PM20D2: variants seen among roughly 807,000 people sequenced by gnomAD.
The protein encoded by PM20D2 is peptidase M20 domain containing 2.
In PM20D2, 33 loss-of-function variants were observed where a neutral mutation model predicts 42.9. The observed-to-expected ratio is 0.77, with a 90% CI of 0.58 to 1.03. The LOEUF is 1.03. Ranked by LOEUF, PM20D2 falls within the 50% of genes least tolerant of loss-of-function variation. The pLI is 0.00. For synonymous variants in PM20D2, 250 were observed against 228.2 expected (o/e 1.10, Z -0.86); for missense variants, 548 against 557.0 (o/e 0.98, Z 0.16).
intron 1 of PM20D2, among the ~76,000 whole-genome samples, chr6:89,147,974 A>G (rs569872292): frequency 7.8e-6 from 1 of 128,090 alleles, no homozygotes; most frequent in East Asian, 2.5e-4. Context: ...TGAGAAATGT[A>G]CACTCTTTTT....
At chr6:89,099,408 A>G in the PM20D2 span, among the ~76,000 whole-genome samples, 2 of 90,152 alleles carry the variant, frequency 2.2e-5, no homozygotes, top group Non-Finnish European at 5.1e-5. Context: ...CTCTCCATAT[A>G]TATATACATA....
Position 89,146,530 on chromosome 6 carries a change from T to C in PM20D2, c.386T>C (p.Ile129Thr). The C allele has an allele frequency of 6.6e-7, 1 of 1,509,838 alleles. No individual in the cohort carries two copies. Among genetic ancestry groups the C allele is most frequent in the Non-Finnish European group, 8.8e-7 (1 of 1,136,608 alleles). 93.5% of individuals were successfully genotyped at this position (1,509,838 alleles called of 1,614,324 possible). Residue 129 changes from isoleucine (I) to threonine (T), a missense_variant, in exon 1 of 7, where the codon ATC becomes ACC. Physicochemically the swap from Ile to Thr is moderately conservative, Grantham distance 89 (BLOSUM62 -1). This residue lies in a region of PM20D2 where 470 missense variants were observed against 464.4 expected (regional missense o/e 1.01). Transcript: ENST00000275072. ...GIGHACGHNL[I>T]AEVGAAAALG... Reference sequence around the variant, plus strand: ...GGCCACGCCTGCGGCCACAACCTCATCGCTGAGGTCGGGGCGGCGGCCGCG... The same window carrying C: ...GGCCACGCCTGCGGCCACAACCTCACCGCTGAGGTCGGGGCGGCGGCCGCG...
At chr6:89,105,191 G>C in the PM20D2 span, 1 of 1,611,962 alleles carries the variant, frequency 6.2e-7, no homozygotes, top group East Asian at 2.2e-5. Context: ...TCTTTGGCTG[G>C]GGCTTCTTGA....
At chr6:89,158,110 T>C (rs900833229) in intron 4 of PM20D2, among the ~76,000 whole-genome samples, 3 of 152,160 alleles carry the variant, frequency 2.0e-5, no homozygotes, top group African/African-American at 4.8e-5. Flanking sequence ...TGGGGTTTAG[T>C]GTATATATAG....
upstream of PM20D2, among the ~76,000 whole-genome samples, chr6:89,141,118 T>G (rs1188621470): frequency 6.6e-6 from 1 of 152,138 alleles, no homozygotes. Flanking sequence ...TGCATCTACC[T>G]CCTCTCCACG....
At position 89,146,222 on chromosome 6, in the gene PM20D2, C is replaced by G. The variant is rs1333254322; in HGVS notation, c.78C>G (p.Arg26=). The change falls in exon 1 of 7, where the codon CGC becomes CGG. Residue 26 remains arginine, a synonymous_variant. Transcript: ENST00000275072. The part of the protein sequence containing the change: ...GRSELELLKL[R]SAECIDEAAE... ...CCGAGCTGGAGCTACTGAAGCTGCGCTCGGCGGAGTGCATCGACGAGGCGG... is the reference window on the plus strand; with the variant it reads ...CCGAGCTGGAGCTACTGAAGCTGCGGTCGGCGGAGTGCATCGACGAGGCGG... 6.3e-7 allele frequency: 1 copy of G among 1,577,040 alleles called. No individual in the cohort carries two copies. Among genetic ancestry groups the G allele is most frequent in the Non-Finnish European group, 8.5e-7 (1 of 1,169,612 alleles).
At chr6:89,108,026 A>C in the PM20D2 span, among the ~76,000 whole-genome samples, 1 of 152,240 alleles carries the variant, frequency 6.6e-6, no homozygotes. Flanking sequence ...ATTCTAAAGA[A>C]GTCCTAAAAT....
At position 89,146,451 on chromosome 6, in the gene PM20D2, C is replaced by A; in HGVS notation, c.307C>A (p.Pro103Thr). ...GGAGGCCCGGGCACCGAGCGCCACG[C>A]CACGCCCGCTGCACCTGGGCTTCCT... is the stretch of plus-strand genomic sequence containing the variant. ...PPEARAPSAT[P>T]RPLHLGFLCE... is the part of the protein sequence containing the mutation. The change falls in exon 1 of 7, where the codon CCA becomes ACA. Residue 103 changes from proline to threonine, a missense_variant. Physicochemically the swap from Pro to Thr is conservative, Grantham distance 38. Around this residue, in one of 3 missense-constraint regions of PM20D2, gnomAD observed 470 missense variants for 464.4 expected, o/e 1.01. Transcript: ENST00000275072. 1 of 1,523,234 alleles carries A rather than the reference C, an allele frequency of 6.6e-7. No homozygotes were observed. The highest frequency in any genetic ancestry group is 8.8e-7 in the Non-Finnish European group (1 of 1,142,664). 94.4% of individuals were successfully genotyped at this position (1,523,234 alleles called of 1,614,324 possible).
chr6:89,140,923 G>A, the PM20D2 span, among the ~76,000 whole-genome samples: 1,018 of 152,212 alleles, frequency 6.7e-3, 13 homozygotes, highest in African/African-American at 0.024. Context: ...CAGAAGCAAG[G>A]GTCTGTCAGG....
At chr6:89,112,336 T>A in the PM20D2 span, among the ~76,000 whole-genome samples, 1 of 152,126 alleles carries the variant, frequency 6.6e-6, no homozygotes, top group South Asian at 2.1e-4. Flanking sequence ...ATTTGTTTTG[T>A]TTTAAAACAT....
chr6:89,123,700 C>T, the PM20D2 span, among the ~76,000 whole-genome samples: 5 of 116,852 alleles, frequency 4.3e-5, no homozygotes, highest in African/African-American at 1.7e-4. Context: ...CCAGCCTAGG[C>T]AACAGAGTGA....
intron 2 of PM20D2, among the ~76,000 whole-genome samples, chr6:89,151,162 AG>A (rs1418543913): frequency 5.5e-5 from 8 of 144,234 alleles, no homozygotes; most frequent in Non-Finnish European, 9.4e-5. Flanking sequence ...TCAAAAAAAA[AG>A]AAAAAAAAAA....
At chr6:89,125,474 C>T in the PM20D2 span, among the ~76,000 whole-genome samples, 7 of 83,768 alleles carry the variant, frequency 8.4e-5, no homozygotes, top group African/African-American at 2.7e-4. Context: ...AGCGAGACTC[C>T]GTCTCAAAAA....
chr6:89,111,104 C>CTGGT, the PM20D2 span, among the ~76,000 whole-genome samples: 1 of 136,746 alleles, frequency 7.3e-6, no homozygotes, highest in African/African-American at 3.4e-5. Flanking sequence ...CAGGGTGAGA[C>CTGGT]TTGTCTTTTT....
chr6:89,118,009 T>G, the PM20D2 span: 1 of 1,049,412 alleles, frequency 9.5e-7, no homozygotes, highest in Admixed American at 3.6e-5. Flanking sequence ...CCCCTCGGCC[T>G]CAGCCCCGCC....
At chr6:89,155,048 CTT>C in intron 4 of PM20D2, 146 bp downstream of exon 4, 1 of 707,790 alleles carries the variant, frequency 1.4e-6, no homozygotes, top group Non-Finnish European at 2.1e-6. Context: ...ATGTGAAAGT[CTT>C]TAATTTTTAC....
chr6:89,128,650 C>A, the PM20D2 span, among the ~76,000 whole-genome samples: 3 of 152,160 alleles, frequency 2.0e-5, no homozygotes, highest in African/African-American at 4.8e-5. Flanking sequence ...TACACCCCCT[C>A]CCCTTTTGAA....
chr6:89,110,845 G>A, the PM20D2 span, among the ~76,000 whole-genome samples: 9,187 of 152,196 alleles, frequency 0.06, 387 homozygotes, highest in Non-Finnish European at 0.092. Context: ...CCCAGGCATG[G>A]TGGCTGATAC....
chr6:89,098,825 G>A, the PM20D2 span: 1 of 1,613,900 alleles, frequency 6.2e-7, no homozygotes, highest in Non-Finnish European at 8.5e-7. Context: ...CTTGGACCTT[G>A]ACCGTCCTCT....
Sources: allele counts gnomAD v4.1 joint callset (sites outside exome capture counted in the v4.1 genomes callset), GRCh38; gene constraint gnomAD v4.1.1; regional missense constraint gnomAD v4.1.1; transcripts MANE v1.5; gene names NCBI Gene and HGNC (gene_info 2026-07-23, HGNC 2026-07-21).